The following TAOK3 variants were observed in gnomAD, a reference collection of about 807,000 sequenced individuals.
The protein encoded by TAOK3 is TAO kinase 3, also known as serine/threonine-protein kinase TAO3.
TAOK3 carries 40 observed loss-of-function variants against 120.4 expected under a neutral mutation model. That is an observed-to-expected ratio of 0.33 (90% CI 0.26 to 0.43). The LOEUF (loss-of-function observed/expected upper bound fraction) is 0.43, where lower values mean the gene tolerates loss of function less well. Among genes scored for constraint, TAOK3 ranks in the 20% least tolerant of loss-of-function variants. TAOK3 has a pLI of 1.00. For synonymous variants in TAOK3, 355 were observed against 387.5 expected, an observed-to-expected ratio of 0.92 and a Z score of 0.99; for missense variants, 821 against 1,112.1, an observed-to-expected ratio of 0.74 and a Z score of 3.72.
At position 118,169,358 on chromosome 12, in the gene TAOK3, C is replaced by T. The variant is rs550343062; in HGVS notation, c.1899+3099G>A. On this transcript the variant is annotated intron_variant, in intron 17 of 20. Transcript: ENST00000392533. ...TTTAAAGACAGTCTCACTCTGTCAT[C>T]CAGGTTGGAACGCAATGGCATGATC... Among the ~76,000 whole-genome samples the T allele has an allele frequency of 5.5e-5, 7 of 126,202 alleles. No homozygotes were observed. The East Asian group carries it at 1.5e-3, about 28-fold the overall frequency. The allele number at this position is 126,202 out of a possible 152,430, so 82.8% of individuals were successfully genotyped here.
intron 15 of TAOK3, among the ~76,000 whole-genome samples, chr12:118,180,012 A>G (rs1458120495): frequency 1.3e-5 from 2 of 148,848 alleles, no homozygotes; most frequent in African/African-American, 5.0e-5. Flanking sequence ...CAATGGCACA[A>G]TCTCAACTCA....
chr12:118,297,313 T>A (rs1269035432), intron 1 of TAOK3: 1 of 152,226 alleles, frequency 6.6e-6, no homozygotes, highest in Non-Finnish European at 1.5e-5. Context: ...TAGTCAAATG[T>A]TACAGTGTTA....
chr12:118,321,259 T>C (rs1031614649), intron 1 of TAOK3, among the ~76,000 whole-genome samples: 11 of 151,858 alleles, frequency 7.2e-5, no homozygotes, highest in Admixed American at 2.0e-4. Flanking sequence ...CACACAAACA[T>C]ACACACACAC....
At chr12:118,224,493 G>A (rs762579217) in intron 9 of TAOK3, among the ~76,000 whole-genome samples, 3 of 152,138 alleles carry the variant, frequency 2.0e-5, no homozygotes, top group Non-Finnish European at 2.9e-5. Context: ...TGACAGTGCC[G>A]ACAGACTATT....
intron 1 of TAOK3, among the ~76,000 whole-genome samples, chr12:118,358,054 T>G (rs1322323126): frequency 6.6e-6 from 1 of 152,226 alleles, no homozygotes; most frequent in Non-Finnish European, 1.5e-5. Flanking sequence ...GCCTATGCAT[T>G]TTATTTAAAC....
chr12:118,332,914 A>G (rs2044210730), intron 1 of TAOK3, among the ~76,000 whole-genome samples: 1 of 152,156 alleles, frequency 6.6e-6, no homozygotes. Context: ...TAGTGATAAA[A>G]GAACGAATCT....
At chr12:118,210,047 G>C (rs1171120468) in intron 11 of TAOK3, among the ~76,000 whole-genome samples, 2 of 152,080 alleles carry the variant, frequency 1.3e-5, no homozygotes, top group African/African-American at 2.4e-5. Context: ...AAATTTGTGA[G>C]ACCTATTTAA....
chr12:118,172,578 T>C lies in TAOK3; in HGVS notation c.1778A>G (p.Gln593Arg). 6.2e-7 allele frequency: 1 copy of C among 1,614,212 alleles called. No individual in the cohort carries two copies. The highest frequency in any genetic ancestry group is 8.5e-7 in the Non-Finnish European group (1 of 1,180,036). The change falls in exon 17 of 21, where the codon CAG becomes CGG. Residue 593 changes from glutamine (Q) to arginine (R), a missense_variant. Coordinates refer to ENST00000392533, the MANE Select transcript of TAOK3 (RefSeq NM_016281.4). ...GAGAAGGTGGGCTTCCTCTTCAGCC[T>C]GTGTGTGCTGCAAGTTCTCTTTATG... ...SKHKENLQHT[Q>R]AEEEAHLLTQ... is the part of the protein sequence containing the mutation.
At chr12:118,367,351 C>T (rs1234273292) in intron 1 of TAOK3, among the ~76,000 whole-genome samples, 4 of 150,748 alleles carry the variant, frequency 2.7e-5, no homozygotes, top group East Asian at 1.9e-4. Context: ...ACTTTAATAA[C>T]GTATGTCTGG....
intron 2 of TAOK3, 84 bp from the exon 3 acceptor site, chr12:118,255,739 C>A (rs576570701): frequency 7.9e-6 from 5 of 629,052 alleles, no homozygotes; most frequent in African/African-American, 7.5e-5. Flanking sequence ...ATATTAAAAG[C>A]CTCTTGGTCT....
At chr12:118,205,764 T>A (rs527322555) in intron 11 of TAOK3, among the ~76,000 whole-genome samples, 3 of 151,840 alleles carry the variant, frequency 2.0e-5, no homozygotes, top group African/African-American at 7.3e-5. Flanking sequence ...GCGTGCACCA[T>A]TACGCCCAAC....
At chr12:118,318,835 C>T (rs1247063819) in intron 1 of TAOK3, among the ~76,000 whole-genome samples, 1 of 152,086 alleles carries the variant, frequency 6.6e-6, no homozygotes, top group Admixed American at 6.6e-5. Context: ...CCCAAGTGTC[C>T]GTCAGTGGGT....
At position 118,199,232 on chromosome 12, in the gene TAOK3, T is replaced by G. The variant is rs1300698887; in HGVS notation, c.1013A>C (p.Asn338Thr). 2.0e-5 allele frequency: 33 copies of G among 1,614,000 alleles called. No individual in the cohort carries two copies. Among genetic ancestry groups the G allele is most frequent in the Non-Finnish European group, 2.7e-5 (32 of 1,180,004 alleles). The part of the protein sequence containing the change: ...EEDSEHGTSL[N>T]REMDSLGSNH... The stretch of plus-strand genomic sequence containing the variant: ...GCTGCCCAGGCTGTCCATTTCCCTG[T>G]TCAGGCTGGTTCCATGTTCACTGTC... The change falls in exon 13 of 21, where the codon AAC becomes ACC. Residue 338 changes from asparagine to threonine, a missense_variant. Transcript: ENST00000392533.
chr12:118,186,633 G>T (rs956440428), intron 14 of TAOK3, among the ~76,000 whole-genome samples: 2 of 151,990 alleles, frequency 1.3e-5, no homozygotes, highest in Non-Finnish European at 2.9e-5. Context: ...CCTTACAGAA[G>T]AAGGAAAAGA....
In TAOK3 at chr12:118,199,196, A is replaced by G. The variant is rs751040754; in HGVS notation, c.1049T>C (p.Ile350Thr). The change falls in exon 13 of 21, where the codon ATT (isoleucine) becomes ACT (threonine). Residue 350 changes from isoleucine (I) to threonine (T), a missense_variant. Transcript: ENST00000392533. ...GCCTGTGCTCACGGACATGCTTGGA[A>G]TGGAATGGTTGCTGCCCAGGCTGTC... ...EMDSLGSNHS[I>T]PSMSVSTGSQ... 6.2e-7 allele frequency: 1 copy of G among 1,614,054 alleles called. No homozygotes were observed. The highest frequency in any genetic ancestry group is 1.3e-5 in the African/African-American group (1 of 74,924).
intron 16 of TAOK3, among the ~76,000 whole-genome samples, chr12:118,174,180 A>T (rs1316339272): frequency 2.0e-5 from 3 of 152,222 alleles, no homozygotes; most frequent in Non-Finnish European, 4.4e-5. Flanking sequence ...ATTCTGTATT[A>T]GATACTCCTG....
chr12:118,278,798 ATC>A (rs1375560179), intron 1 of TAOK3, among the ~76,000 whole-genome samples: 1 of 152,032 alleles, frequency 6.6e-6, no homozygotes, highest in Non-Finnish European at 1.5e-5. Flanking sequence ...CCTTGACAGC[ATC>A]TGTTATTTTT....
At chr12:118,365,231 CTTTTT>C (rs1370052652) in intron 1 of TAOK3, among the ~76,000 whole-genome samples, 1 of 152,068 alleles carries the variant, frequency 6.6e-6, no homozygotes, top group African/African-American at 2.4e-5. Flanking sequence ...ATCTCTCTCT[CTTTTT>C]TAATTTTTTT....
At chr12:118,217,838 T>C (rs1483533533) in intron 9 of TAOK3, among the ~76,000 whole-genome samples, 1 of 107,316 alleles carries the variant, frequency 9.3e-6, no homozygotes, top group Non-Finnish European at 1.9e-5. Context: ...TATATATATA[T>C]ATATATATAT....
Sources: gnomAD v4.1 joint callset for allele counts (sites outside exome capture counted in the v4.1 genomes callset) on GRCh38, gnomAD v4.1.1 for gene constraint, MANE v1.5 for transcripts, NCBI Gene and HGNC (gene_info 2026-07-23, HGNC 2026-07-21) for gene names.